Variants in ZC3H15 observed in about 807,000 individuals in gnomAD.
ZC3H15 encodes zinc finger CCCH-type containing 15.
A neutral mutation model predicts 51.2 loss-of-function variants in ZC3H15; 15 were observed. The ratio of observed to expected loss-of-function variants is 0.29; its 90% confidence interval spans 0.20 to 0.45. The LOEUF is 0.45. Ranked by LOEUF, ZC3H15 falls within the 20% of genes least tolerant of loss-of-function variation. ZC3H15 has a pLI of 1.00. For missense variants in ZC3H15, 381 were observed against 494.7 expected, an observed-to-expected ratio of 0.77 and a Z score of 2.18; for synonymous variants, 144 against 162.8, an observed-to-expected ratio of 0.88 and a Z score of 0.88.
intron 4 of ZC3H15, among the ~76,000 whole-genome samples, 182 bp downstream of exon 4, chr2:186,501,607 A>T (rs1045564192): frequency 6.6e-6 from 1 of 152,222 alleles, no homozygotes; most frequent in Non-Finnish European, 1.5e-5. Context: ...TAAGTAAATG[A>T]AGATACTTTA....
At chr2:186,496,565 C>G (rs1685285565) in intron 2 of ZC3H15, among the ~76,000 whole-genome samples, 1 of 152,146 alleles carries the variant, frequency 6.6e-6, no homozygotes. Context: ...ACTGAAATAC[C>G]ACTATTATCC....
chr2:186,493,044 G>A (rs571254685), intron 1 of ZC3H15, among the ~76,000 whole-genome samples: 1 of 152,010 alleles, frequency 6.6e-6, no homozygotes, highest in Non-Finnish European at 1.5e-5. Context: ...CTGACTTAGA[G>A]CAGAGCGGTT....
chr2:186,491,065 A>G (rs1685190166), intron 1 of ZC3H15, among the ~76,000 whole-genome samples: 1 of 152,098 alleles, frequency 6.6e-6, no homozygotes, highest in Non-Finnish European at 1.5e-5. Context: ...AGCCTTTTTG[A>G]ACTTCTCCAA....
At chr2:186,493,660 G>A (rs973730697) in intron 1 of ZC3H15, among the ~76,000 whole-genome samples, 4 of 151,994 alleles carry the variant, frequency 2.6e-5, no homozygotes, top group African/African-American at 9.7e-5. Context: ...GAGGCTAGAA[G>A]TCTGAAATTA....
At chr2:186,502,428 C>G (rs907549543) in intron 4 of ZC3H15, 68 bp from the exon 5 acceptor site, 5 of 1,328,294 alleles carry the variant, frequency 3.8e-6, no homozygotes, top group Admixed American at 2.0e-5. Flanking sequence ...GCATTAGTGT[C>G]TAAGGAGATA....
At chr2:186,497,115 G>T in intron 2 of ZC3H15, 2 of 436,818 alleles carry the variant, frequency 4.6e-6, no homozygotes, top group Non-Finnish European at 9.1e-6. Context: ...CATAGACATG[G>T]ATCTTTATTT....
intron 2 of ZC3H15, among the ~76,000 whole-genome samples, chr2:186,496,254 G>T (rs1280497954): frequency 6.6e-6 from 1 of 152,154 alleles, no homozygotes; most frequent in Non-Finnish European, 1.5e-5. Flanking sequence ...TTCTCACTCT[G>T]TTGCCCAGGC....
chr2:186,505,968 A>ATGGGAAATTACTG, intron 8 of ZC3H15, 127 bp downstream of exon 8: 1 of 925,118 alleles, frequency 1.1e-6, no homozygotes, highest in South Asian at 1.4e-5. Context: ...TACTCCAACC[A>ATGGGAAATTACTG]TGGGAAATTA....
intron 2 of ZC3H15, among the ~76,000 whole-genome samples, chr2:186,499,058 A>G (rs778474033): frequency 6.6e-6 from 1 of 152,176 alleles, no homozygotes; most frequent in Admixed American, 6.5e-5. Flanking sequence ...TAACGGCACT[A>G]ACCATATACA....
At chr2:186,505,090 TTTTA>T (rs1375858831) in intron 6 of ZC3H15, 1 of 153,518 alleles carries the variant, frequency 6.5e-6, no homozygotes, top group Non-Finnish European at 1.4e-5. Context: ...GTTTGTTTAG[TTTTA>T]TTTCTCATCT....
intron 2 of ZC3H15, among the ~76,000 whole-genome samples, chr2:186,499,048 T>C (rs981273600): frequency 3.3e-5 from 5 of 152,188 alleles, no homozygotes; most frequent in Admixed American, 1.3e-4. Flanking sequence ...CTGTCTTGTT[T>C]AACGGCACTA....
chr2:186,508,620 G>A lies in ZC3H15; in HGVS notation c.1168G>A (p.Glu390Lys), dbSNP rs767898780. The A allele has an allele frequency of 6.2e-7, 1 of 1,614,070 alleles. No individual in the cohort carries two copies. Among genetic ancestry groups the A allele is most frequent in the Non-Finnish European group, 8.5e-7 (1 of 1,179,982 alleles). Residue 390 changes from glutamate (E) to lysine (K), a missense_variant, in exon 10 of 10, where the codon GAG (glutamate) becomes AAG (lysine). Transcript: ENST00000337859. Reference protein sequence around the residue: ...RSDLEEDNEREGTENGAIDAV... With the variant: ...RSDLEEDNERKGTENGAIDAV... ...TGACTTGGAAGAGGACAACGAGAGG[G>A]AGGGAACGGAAAATGGAGCCATTGA...
At chr2:186,491,124 G>A (rs1041147114) in intron 1 of ZC3H15, among the ~76,000 whole-genome samples, 1 of 152,114 alleles carries the variant, frequency 6.6e-6, no homozygotes, top group Non-Finnish European at 1.5e-5. Context: ...TCTCAGATCT[G>A]CAGTGTGATA....
chr2:186,486,898 ACT>A (rs1685105363), intron 1 of ZC3H15: 2 of 163,788 alleles, frequency 1.2e-5, no homozygotes, highest in Non-Finnish European at 2.6e-5. Context: ...CAGGGATGGT[ACT>A]GTTAGTTCTT....
intron 1 of ZC3H15, 72 bp downstream of exon 1, chr2:186,486,529 T>A: frequency 1.4e-6 from 2 of 1,471,542 alleles, no homozygotes; most frequent in Non-Finnish European, 1.8e-6. Context: ...CGGGCTTCCC[T>A]GGGAGCCGGC....
chr2:186,491,018 A>G (rs919836039), intron 1 of ZC3H15, among the ~76,000 whole-genome samples: 1 of 152,114 alleles, frequency 6.6e-6, no homozygotes, highest in South Asian at 2.1e-4. Context: ...AATTCAGGTT[A>G]ATCTTTAGGT....
intron 1 of ZC3H15, 138 bp downstream of exon 1, chr2:186,486,595 C>T (rs1489567413): frequency 5.9e-6 from 5 of 842,774 alleles, no homozygotes; most frequent in African/African-American, 1.9e-5. Context: ...ACTGCCCCTT[C>T]TCCAGCCCCT....
chr2:186,498,785 C>G (rs761062238), intron 2 of ZC3H15, among the ~76,000 whole-genome samples: 6 of 152,132 alleles, frequency 3.9e-5, no homozygotes, highest in Admixed American at 6.5e-5. Flanking sequence ...AGGAAGTGTC[C>G]TTTACTCTTG....
intron 2 of ZC3H15, among the ~76,000 whole-genome samples, chr2:186,498,996 C>T (rs1333628653): frequency 6.6e-6 from 1 of 152,196 alleles, no homozygotes; most frequent in Non-Finnish European, 1.5e-5. Flanking sequence ...AAACTAAGCT[C>T]ATCTTCACCT....
Sources: gnomAD v4.1 joint callset for allele counts (sites outside exome capture counted in the v4.1 genomes callset) on GRCh38, gnomAD v4.1.1 for gene constraint, MANE v1.5 for transcripts, NCBI Gene and HGNC (gene_info 2026-07-23, HGNC 2026-07-21) for gene names.